EPHA5: variants seen among roughly 807,000 people sequenced by gnomAD.
The protein encoded by EPHA5 is ephrin type-A receptor 5.
EPHA5 carries 60 observed loss-of-function variants against 105.0 expected under a neutral mutation model. The observed-to-expected ratio is 0.57, with a 90% CI of 0.46 to 0.71. The LOEUF (loss-of-function observed/expected upper bound fraction) is 0.71, where lower values mean the gene tolerates loss of function less well. EPHA5 is among the 30% of genes least tolerant of loss of function. The probability of loss-of-function intolerance (pLI) is 0.00; values close to 1 mark genes in which losing one functional copy is unlikely to be tolerated. For missense variants in EPHA5, 1,218 were observed against 1,274.7 expected, an observed-to-expected ratio of 0.96 and a Z score of 0.68; for synonymous variants, 513 against 449.1, an observed-to-expected ratio of 1.14 and a Z score of -1.80.
intron 5 of EPHA5, among the ~76,000 whole-genome samples, chr4:65,428,145 G>T (rs1427814006): frequency 6.6e-6 from 1 of 151,986 alleles, no homozygotes; most frequent in East Asian, 1.9e-4. Context: ...ATTAGCATTT[G>T]AATGTAAGAA....
intron 10 of EPHA5, among the ~76,000 whole-genome samples, chr4:65,365,464 A>G (rs1043232431): frequency 6.6e-6 from 1 of 150,928 alleles, no homozygotes; most frequent in Non-Finnish European, 1.5e-5. Context: ...CTCACTTACA[A>G]AAACCTTTTA....
chr4:65,641,192 C>A (rs897097418), intron 2 of EPHA5, among the ~76,000 whole-genome samples: 2 of 152,136 alleles, frequency 1.3e-5, no homozygotes, highest in Admixed American at 1.3e-4. Flanking sequence ...CTGGTTTTCA[C>A]CATGATGACT....
intron 5 of EPHA5, among the ~76,000 whole-genome samples, chr4:65,470,180 T>C (rs1257720898): frequency 6.6e-6 from 1 of 150,648 alleles, no homozygotes; most frequent in Non-Finnish European, 1.5e-5. Flanking sequence ...AAGAGTTTTC[T>C]TTTTCTTTCT....
intron 2 of EPHA5, among the ~76,000 whole-genome samples, chr4:65,639,968 C>T (rs1286755573): frequency 1.3e-5 from 2 of 152,136 alleles, no homozygotes; most frequent in East Asian, 1.9e-4. Flanking sequence ...TTATACATTG[C>T]TCTTACATTT....
chr4:65,630,081 T>TCACA (rs35628731), intron 2 of EPHA5, among the ~76,000 whole-genome samples: 5 of 146,622 alleles, frequency 3.4e-5, no homozygotes, highest in East Asian at 2.0e-4. Flanking sequence ...TCTCTCTCTC[T>TCACA]CACACACACA....
intron 3 of EPHA5, among the ~76,000 whole-genome samples, chr4:65,565,629 C>A (rs1429854622): frequency 6.7e-6 from 1 of 149,348 alleles, no homozygotes; most frequent in Non-Finnish European, 1.5e-5. Context: ...CTGCTTTCAG[C>A]AAATTTAGAA....
intron 7 of EPHA5, among the ~76,000 whole-genome samples, chr4:65,411,378 A>C (rs1231904786): frequency 6.6e-6 from 1 of 152,108 alleles, no homozygotes; most frequent in East Asian, 1.9e-4. Flanking sequence ...AATGTAATAT[A>C]AATTAGTAAA....
intron 3 of EPHA5, among the ~76,000 whole-genome samples, chr4:65,544,771 A>G (rs546121000): frequency 7.9e-5 from 12 of 152,104 alleles, no homozygotes; most frequent in African/African-American, 2.9e-4. Flanking sequence ...AGACACATGC[A>G]CATATATATT....
intron 5 of EPHA5, among the ~76,000 whole-genome samples, chr4:65,425,267 T>A (rs756709129): frequency 6.6e-6 from 1 of 152,142 alleles, no homozygotes; most frequent in African/African-American, 2.4e-5. Flanking sequence ...TAAAAATACA[T>A]GTATTTTACA....
At chr4:65,592,419 GGCCATA>G (rs1454115069) in intron 3 of EPHA5, among the ~76,000 whole-genome samples, 2 of 151,944 alleles carry the variant, frequency 1.3e-5, no homozygotes, top group Middle Eastern at 3.4e-3. Flanking sequence ...CAAGAGAAAA[GGCCATA>G]GCCTGGTACC....
chr4:65,617,850 A>G (rs1745377451), intron 2 of EPHA5, among the ~76,000 whole-genome samples: 1 of 152,148 alleles, frequency 6.6e-6, no homozygotes, highest in Admixed American at 6.5e-5. Context: ...AATTATCACT[A>G]GGAAGTGACA....
chr4:65,522,022 T>C (rs2149282362), intron 3 of EPHA5, among the ~76,000 whole-genome samples: 1 of 152,082 alleles, frequency 6.6e-6, no homozygotes, highest in South Asian at 2.1e-4. Context: ...AAAAATTCTT[T>C]ATAGTTAACA....
At chr4:65,446,441 A>G (rs897296806) in intron 5 of EPHA5, among the ~76,000 whole-genome samples, 17 of 152,302 alleles carry the variant, frequency 1.1e-4, no homozygotes, top group African/African-American at 4.1e-4. Flanking sequence ...CAAACTGTGA[A>G]AGCCACAAGC....
At chr4:65,565,831 T>A (rs962076771) in intron 3 of EPHA5, among the ~76,000 whole-genome samples, 32 of 151,832 alleles carry the variant, frequency 2.1e-4, no homozygotes, top group Non-Finnish European at 3.0e-4. Context: ...ATTAAAACTG[T>A]TTCTAAGTTT....
intron 3 of EPHA5, among the ~76,000 whole-genome samples, chr4:65,511,365 T>C (rs770598512): frequency 6.6e-6 from 1 of 152,196 alleles, no homozygotes; most frequent in South Asian, 2.1e-4. Flanking sequence ...AACTGATCTG[T>C]AGTGTTTAAA....
chr4:65,501,942 A>T (rs548927458), intron 3 of EPHA5, among the ~76,000 whole-genome samples: 1 of 151,878 alleles, frequency 6.6e-6, no homozygotes, highest in South Asian at 2.1e-4. Flanking sequence ...ATCCAGAATA[A>T]AACTGCACAC....
intron 1 of EPHA5, among the ~76,000 whole-genome samples, chr4:65,668,925 G>C (rs1261748744): frequency 6.6e-6 from 1 of 151,862 alleles, no homozygotes; most frequent in East Asian, 2.0e-4. Flanking sequence ...ACTCCCCCAA[G>C]AAGAAGGGCA....
At chr4:65,476,194 A>G (rs1343420347) in intron 5 of EPHA5, among the ~76,000 whole-genome samples, 1 of 151,724 alleles carries the variant, frequency 6.6e-6, no homozygotes, top group Non-Finnish European at 1.5e-5. Flanking sequence ...TACATTGTAT[A>G]TACTAAATCA....
intron 8 of EPHA5, among the ~76,000 whole-genome samples, chr4:65,387,658 C>G (rs960524885): frequency 2.0e-5 from 3 of 151,810 alleles, no homozygotes; most frequent in Non-Finnish European, 2.9e-5. Context: ...ACGTTTGGAA[C>G]AGGTAGAACA....
Sources: gnomAD v4.1 joint callset for allele counts (sites outside exome capture counted in the v4.1 genomes callset) on GRCh38, gnomAD v4.1.1 for gene constraint, MANE v1.5 for transcripts, NCBI Gene and HGNC (gene_info 2026-07-23, HGNC 2026-07-21) for gene names.